Variants in PLET1 observed in about 807,000 individuals in gnomAD.
The protein encoded by PLET1 is placenta-expressed transcript 1 protein.
PLET1 carries 20 observed loss-of-function variants against 18.5 expected under a neutral mutation model. The ratio of observed to expected loss-of-function variants is 1.08; its 90% CI spans 0.76 to 1.57. PLET1 has a LOEUF of 1.57. Among genes scored for constraint, PLET1 ranks in the 40% most tolerant of loss-of-function variants. The pLI, the probability that PLET1 is intolerant of heterozygous loss-of-function variation, is 0.00. For missense variants in PLET1, 256 were observed against 246.4 expected (o/e 1.04, Z -0.26); for synonymous variants, 93 against 93.8 (o/e 0.99, Z 0.05).
At chr11:112,252,928 C>G (rs527943688) in intron 2 of PLET1, among the ~76,000 whole-genome samples, 15 of 152,254 alleles carry the variant, frequency 9.9e-5, no homozygotes, top group African/African-American at 3.4e-4. Context: ...GGTCTGTTAT[C>G]CTATCAATAA....
In PLET1 at chr11:112,258,315, GCT is replaced by G. The variant is rs148543610; in HGVS notation, c.184+2089_184+2090del. ...TTTTTTTTTTTTGAGATAGAGTCTT[GCT>G]CTGTCACCTAGGCTGGAGTGCAGTG... On this transcript the variant is annotated intron_variant, in intron 1 of 3. Transcript: ENST00000338832. 5.6e-3 allele frequency among the ~76,000 whole-genome samples: 668 copies of G among 118,596 alleles called. 7 individuals are homozygous for G. Among genetic ancestry groups the G allele is most frequent in the African/African-American group, 0.021 (633 of 30,522 alleles). The allele number at this position is 118,596 out of a possible 152,430, so 77.8% of individuals were successfully genotyped here. A position where few individuals can be genotyped will look rare whatever the true frequency, so the allele number is the denominator to read the frequency against.
At chr11:112,249,015 G>A (rs1267114574) in intron 3 of PLET1, 41 bp from the exon 4 acceptor site, 1 of 1,534,568 alleles carries the variant, frequency 6.5e-7, no homozygotes, top group Non-Finnish European at 8.8e-7. Flanking sequence ...CTGGAAAATG[G>A]CATCGGAACC....
intron 1 of PLET1, among the ~76,000 whole-genome samples, chr11:112,259,350 T>C (rs1860261253): frequency 6.6e-6 from 1 of 152,188 alleles, no homozygotes; most frequent in Non-Finnish European, 1.5e-5. Flanking sequence ...ATCTACAAAA[T>C]GGGAATGATA....
chr11:112,249,815 G>C (rs1008360633), intron 3 of PLET1, among the ~76,000 whole-genome samples: 6 of 151,984 alleles, frequency 3.9e-5, no homozygotes, highest in Admixed American at 3.9e-4. Flanking sequence ...AAATTAGCCC[G>C]GTGTGGTGGC....
At chr11:112,251,814 G>A (rs570385136) in intron 3 of PLET1, among the ~76,000 whole-genome samples, 13 of 97,132 alleles carry the variant, frequency 1.3e-4, no homozygotes, top group Admixed American at 1.1e-3. Context: ...AGCTGGGGGC[G>A]ACAGCCTGTG....
Position 112,260,498 on chromosome 11 carries a change from C to T in PLET1, c.92G>A (p.Ser31Asn). The T allele has an allele frequency of 6.4e-7, 1 of 1,551,644 alleles. No homozygotes were observed. Among genetic ancestry groups the T allele is most frequent in the South Asian group, 1.2e-5 (1 of 84,058 alleles). ...TTCATCAAAGGTGAAGCAGGTGCTA[C>T]TGTACCTTATAAAGGTGGCAGAAGA... The part of the protein sequence containing the change: ...QLSSATFIRY[S>N]STCFTFDEYY... The change falls in exon 1 of 4, where the codon AGT becomes AAT. Residue 31 changes from serine (S) to asparagine (N), a missense_variant. Physicochemically the swap from Ser to Asn is conservative, Grantham distance 46. Transcript: ENST00000338832.
intron 1 of PLET1, among the ~76,000 whole-genome samples, chr11:112,260,077 G>T (rs1308401590): frequency 6.6e-6 from 1 of 152,028 alleles, no homozygotes; most frequent in Admixed American, 6.6e-5. Context: ...TTATACACTG[G>T]AATGCAATGA....
At chr11:112,258,905 T>C (rs1860256338) in intron 1 of PLET1, among the ~76,000 whole-genome samples, 1 of 152,232 alleles carries the variant, frequency 6.6e-6, no homozygotes, top group African/African-American at 2.4e-5. Context: ...ATTGTTCACC[T>C]GCTGAAGTCT....
chr11:112,250,897 T>C (rs1429163565), intron 3 of PLET1, among the ~76,000 whole-genome samples: 1 of 152,200 alleles, frequency 6.6e-6, no homozygotes, highest in Non-Finnish European at 1.5e-5. Context: ...ACCAAGGAAA[T>C]AGTTAAGACA....
intron 3 of PLET1, among the ~76,000 whole-genome samples, chr11:112,251,529 C>T (rs554698141): frequency 2.2e-4 from 33 of 152,270 alleles, no homozygotes; most frequent in Non-Finnish European, 3.7e-4. Context: ...GAGCTGAGAT[C>T]GCACTACTGC....
At position 112,248,808 on chromosome 11, in the gene PLET1, A is replaced by G; in HGVS notation, c.615T>C (p.Leu205=). The change falls in exon 4 of 4, where the codon CTT becomes CTC. Residue 205 remains leucine (L), a synonymous_variant. Transcript: ENST00000338832. Reference sequence around the variant, plus strand: ...TTTCCCTGGCTTCCCTTTAGAAGAGAAGTGTGCTGGTGAGAAAAGCAAGCA... The same window carrying G: ...TTTCCCTGGCTTCCCTTTAGAAGAGGAGTGTGCTGGTGAGAAAAGCAAGCA... ...YILLAFLTST[L]LF 1.3e-6 allele frequency: 2 copies of G among 1,551,560 alleles called. No individual in the cohort carries two copies. Among genetic ancestry groups the G allele is most frequent in the Middle Eastern group, 1.7e-4 (1 of 5,966 alleles).
chr11:112,253,658 T>C (rs908144248), intron 2 of PLET1, among the ~76,000 whole-genome samples: 1 of 152,246 alleles, frequency 6.6e-6, no homozygotes, highest in African/African-American at 2.4e-5. Context: ...ACTGCTGTCA[T>C]TGGGAAGCTG....
In PLET1 at chr11:112,248,336, C is replaced by G. The variant is rs547489210; in HGVS notation, c.*463G>C. Reference sequence around the variant, plus strand: ...GCCTCAGAGCTATTTCTCCTTTCTCCTTTCTTTCTTGAGTCACATGAGTCA... The same window carrying G: ...GCCTCAGAGCTATTTCTCCTTTCTCGTTTCTTTCTTGAGTCACATGAGTCA... On this transcript the variant is annotated 3_prime_UTR_variant, in exon 4 of 4. Coordinates refer to ENST00000338832, the MANE Select transcript of PLET1 (RefSeq NM_001145024.1). 2.7e-4 allele frequency: 97 copies of G among 361,898 alleles called. No individual in the cohort carries two copies. The highest frequency in any genetic ancestry group is 1.8e-3 in the African/African-American group (86 of 47,964). The allele number at this position is 361,898 out of a possible 1,614,324, so 22.4% of individuals were successfully genotyped here. A position where few individuals can be genotyped will look rare whatever the true frequency, so the allele number is the denominator to read the frequency against.
intron 1 of PLET1, 96 bp downstream of exon 1, chr11:112,260,310 G>T (rs1191378856): frequency 8.3e-7 from 1 of 1,205,668 alleles, no homozygotes; most frequent in Non-Finnish European, 1.1e-6. Flanking sequence ...CACATGTTTT[G>T]TATAATTGAG....
chr11:112,260,581 G>T lies in PLET1; in HGVS notation c.9C>A (p.Val3=). The change falls in exon 1 of 4, where the codon GTC becomes GTA. Residue 3 remains valine, a synonymous_variant. Transcript: ENST00000338832. Reference sequence around the variant, plus strand: ...GTGGCTGCAGCAGCATGTCATGGAAGACTGCCATGGTCTCAGTCTGTTTGG... The same window carrying T: ...GTGGCTGCAGCAGCATGTCATGGAATACTGCCATGGTCTCAGTCTGTTTGG... MA[V]FHDMLLQPLG... The T allele has an allele frequency of 6.4e-7, 1 of 1,551,004 alleles. No homozygotes were observed. The highest frequency in any genetic ancestry group is 8.7e-7 in the Non-Finnish European group (1 of 1,146,776).
chr11:112,255,436 G>T lies in PLET1; in HGVS notation c.338C>A (p.Ala113Glu). 1 of 1,552,314 alleles carries T rather than the reference G, an allele frequency of 6.4e-7. No individual in the cohort carries two copies. Among genetic ancestry groups the T allele is most frequent in the Non-Finnish European group, 8.7e-7 (1 of 1,147,114 alleles). The change falls in exon 2 of 4, where the codon GCA (alanine) becomes GAA (glutamate). Residue 113 changes from alanine to glutamate, a missense_variant. Coordinates refer to ENST00000338832, the MANE Select transcript of PLET1 (RefSeq NM_001145024.1). ...VKDQYMTVLE[A>E]QWQAPEPENI... ...CTCAGGTTCAGGAGCTTGCCACTGTGCCTCTAAGACCGTCATGTATTGATC... is the reference window on the plus strand; with the variant it reads ...CTCAGGTTCAGGAGCTTGCCACTGTTCCTCTAAGACCGTCATGTATTGATC...
intron 3 of PLET1, among the ~76,000 whole-genome samples, chr11:112,249,328 G>T (rs1020665259): frequency 6.6e-6 from 1 of 152,124 alleles, no homozygotes. Context: ...AATAGATTAG[G>T]TTAATCAGTG....
intron 3 of PLET1, 123 bp from the exon 4 acceptor site, chr11:112,249,097 CA>C: frequency 2.2e-6 from 2 of 907,622 alleles, no homozygotes; most frequent in Non-Finnish European, 3.3e-6. Flanking sequence ...GATTCATGAG[CA>C]AAATTCAATC....
intron 1 of PLET1, among the ~76,000 whole-genome samples, chr11:112,257,001 A>G (rs1860231074): frequency 6.6e-6 from 1 of 152,196 alleles, no homozygotes; most frequent in African/African-American, 2.4e-5. Context: ...TGCTGCGGCC[A>G]CACCAGTCTT....
Sources: gnomAD v4.1 joint callset for allele counts (sites outside exome capture counted in the v4.1 genomes callset) on GRCh38, gnomAD v4.1.1 for gene constraint, MANE v1.5 for transcripts, NCBI Gene and HGNC (gene_info 2026-07-23, HGNC 2026-07-21) for gene names.